KALRN: variants seen among roughly 807,000 people sequenced by gnomAD.
KALRN encodes kalirin.
A neutral mutation model predicts 353.7 loss-of-function variants in KALRN; 70 were observed. That is an observed-to-expected ratio of 0.20 (90% CI 0.16 to 0.24). KALRN has a LOEUF of 0.24. Ranked by LOEUF, KALRN falls within the 10% of genes least tolerant of loss-of-function variation. The probability of loss-of-function intolerance (pLI) is 1.00; values close to 1 mark genes in which losing one functional copy is unlikely to be tolerated. For missense variants in KALRN, 2,791 were observed against 3,756.7 expected, an observed-to-expected ratio of 0.74 and a Z score of 6.72; for synonymous variants, 1,391 against 1,434.8, an observed-to-expected ratio of 0.97 and a Z score of 0.69.
At chr3:124,703,999 T>G (rs1034892036) in intron 57 of KALRN, among the ~76,000 whole-genome samples, 4 of 152,078 alleles carry the variant, frequency 2.6e-5, no homozygotes. Flanking sequence ...TAAAGGAAAC[T>G]CAGGGTCAGG....
chr3:124,442,752 A>T (rs970528933), intron 19 of KALRN, among the ~76,000 whole-genome samples: 1 of 152,162 alleles, frequency 6.6e-6, no homozygotes, highest in African/African-American at 2.4e-5. Flanking sequence ...TGGGAGGCTG[A>T]GATGGGAGGG....
chr3:124,633,642 T>G lies in KALRN; in HGVS notation c.5467-210T>G, dbSNP rs199679259. ...GGTTTTGCTTCTTTTTGGGGGTGTG[T>G]GTGTGTGTGTGTGTGTTCCCCACTG... On this transcript the variant is annotated intron_variant, in intron 35 of 59. Coordinates refer to ENST00000682506, the MANE Select transcript of KALRN (RefSeq NM_001388419.1). Among the ~76,000 whole-genome samples the G allele has an allele frequency of 1.9e-5, 2 of 106,910 alleles. 1 individual carries two copies. The allele number at this position is 106,910 out of a possible 152,430, so 70.1% of individuals were successfully genotyped here.
chr3:124,441,243 GCTTA>G (rs1019142492), intron 18 of KALRN, among the ~76,000 whole-genome samples: 25 of 152,300 alleles, frequency 1.6e-4, no homozygotes, highest in Admixed American at 1.6e-3. Flanking sequence ...TGTTTCCTGA[GCTTA>G]CACCAGTGGT....
At chr3:124,693,134 G>A (rs757566524) in intron 51 of KALRN, among the ~76,000 whole-genome samples, 3 of 152,172 alleles carry the variant, frequency 2.0e-5, no homozygotes, top group Non-Finnish European at 4.4e-5. Context: ...CCTATGAAGT[G>A]GAAAGGGTTG....
chr3:124,472,916 T>C (rs1213410804), intron 25 of KALRN, among the ~76,000 whole-genome samples: 1 of 152,220 alleles, frequency 6.6e-6, no homozygotes, highest in Non-Finnish European at 1.5e-5. Context: ...AAATCACCTA[T>C]GTAAGGACAA....
chr3:124,645,521 G>A (rs1660034), intron 37 of KALRN, among the ~76,000 whole-genome samples: 35,541 of 151,870 alleles, frequency 0.23, 4,420 homozygotes, highest in East Asian at 0.47. Context: ...TGTAAGGAAG[G>A]GGTCCACTTT....
At chr3:124,648,582 T>A (rs986718568) in intron 37 of KALRN, among the ~76,000 whole-genome samples, 1 of 152,214 alleles carries the variant, frequency 6.6e-6, no homozygotes, top group Non-Finnish European at 1.5e-5. Context: ...GATGGAACTG[T>A]GAATGAACTT....
At chr3:124,255,808 A>G (rs1272182666) in intron 3 of KALRN, among the ~76,000 whole-genome samples, 1 of 152,196 alleles carries the variant, frequency 6.6e-6, no homozygotes, top group Non-Finnish European at 1.5e-5. Context: ...TTGTGAATGT[A>G]AAAATGTGAG....
At chr3:124,677,353 A>G in intron 49 of KALRN, 1 of 233,422 alleles carries the variant, frequency 4.3e-6, no homozygotes, top group Non-Finnish European at 8.5e-6. Flanking sequence ...TATGGAATGT[A>G]AGGGCTCTGC....
intron 5 of KALRN, among the ~76,000 whole-genome samples, chr3:124,286,075 TTTCCTTCCTTTCTTTC>T: frequency 7.4e-6 from 1 of 134,994 alleles, no homozygotes; most frequent in East Asian, 2.3e-4. Context: ...TCTTTCTTTC[TTTCCTTCCTTTCTTTC>T]TTTCTTTCTT....
At chr3:124,621,044 CT>C (rs1227263509) in intron 34 of KALRN, among the ~76,000 whole-genome samples, 1 of 152,196 alleles carries the variant, frequency 6.6e-6, no homozygotes, top group Non-Finnish European at 1.5e-5. Flanking sequence ...GAGGTGCTGA[CT>C]TTTGAGTCTT....
intron 1 of KALRN, among the ~76,000 whole-genome samples, chr3:124,044,465 A>C (rs540774509): frequency 6.6e-6 from 1 of 152,176 alleles, no homozygotes; most frequent in East Asian, 1.9e-4. Context: ...AATGGGTAAA[A>C]AATCCTTGCC....
intron 33 of KALRN, among the ~76,000 whole-genome samples, chr3:124,500,573 T>C (rs914934520): frequency 6.6e-6 from 1 of 152,228 alleles, no homozygotes; most frequent in African/African-American, 2.4e-5. Flanking sequence ...AGTCTAATAT[T>C]CTTAATCCTA....
chr3:124,612,409 G>T (rs2078098150), intron 34 of KALRN, among the ~76,000 whole-genome samples: 1 of 152,166 alleles, frequency 6.6e-6, no homozygotes, highest in Non-Finnish European at 1.5e-5. Context: ...CTCCATGTTG[G>T]TCAGGCTGGT....
chr3:124,616,226 GA>G (rs767953453), intron 34 of KALRN, among the ~76,000 whole-genome samples: 12 of 152,200 alleles, frequency 7.9e-5, no homozygotes, highest in Non-Finnish European at 1.6e-4. Context: ...AAACTTTCCA[GA>G]GCCACCCTGC....
chr3:124,719,226 G>A lies in KALRN; in HGVS notation c.8717G>A (p.Gly2906Asp). Residue 2906 changes from glycine (G) to aspartate (D), a missense_variant, in exon 60 of 60, where the codon GGT becomes GAT. Physicochemically the swap from Gly to Asp is moderately conservative, Grantham distance 94. Transcript: ENST00000682506. The surrounding 1 kb of genome is among the most constrained non-coding windows in gnomAD (Gnocchi z 5.3). ...DFSFPHEYFC[G>D]VSNAARDFIN... ...AGCTTCCCCCATGAATACTTCTGTG[G>A]TGTGAGCAATGCTGCCAGAGATTTC... The A allele has an allele frequency of 1.2e-6, 2 of 1,614,244 alleles. No individual in the cohort carries two copies. Among genetic ancestry groups the A allele is most frequent in the Non-Finnish European group, 8.5e-7 (1 of 1,180,046 alleles).
intron 1 of KALRN, among the ~76,000 whole-genome samples, chr3:124,217,110 A>G (rs1407109054): frequency 6.6e-6 from 1 of 152,118 alleles, no homozygotes; most frequent in Admixed American, 6.6e-5. Flanking sequence ...GTGTACCTCT[A>G]TATTATATTT....
chr3:124,710,161 G>A (rs1167207255), intron 57 of KALRN, among the ~76,000 whole-genome samples: 1 of 152,228 alleles, frequency 6.6e-6, no homozygotes, highest in Non-Finnish European at 1.5e-5. Flanking sequence ...TGCACTCTTT[G>A]TCAGAAATGA....
chr3:124,611,312 T>C (rs1357473693), intron 34 of KALRN, among the ~76,000 whole-genome samples: 1 of 152,204 alleles, frequency 6.6e-6, no homozygotes, highest in Non-Finnish European at 1.5e-5. Context: ...CAACACACCC[T>C]AGACCATAGC....
Sources: gnomAD v4.1 joint callset for allele counts (sites outside exome capture counted in the v4.1 genomes callset) on GRCh38, gnomAD v4.1.1 for gene constraint, Gnocchi (gnomAD v3.1) non-coding constraint, MANE v1.5 for transcripts, NCBI Gene and HGNC (gene_info 2026-07-23, HGNC 2026-07-21) for gene names.